Variants in LAMA5 observed in about 807,000 individuals in gnomAD.
LAMA5 encodes the protein laminin subunit alpha-5.
LAMA5 carries 260 observed loss-of-function variants against 433.4 expected under a neutral mutation model. The observed-to-expected ratio is 0.60, with a 90% CI of 0.54 to 0.66. The LOEUF is 0.66. Ranked by LOEUF, LAMA5 falls within the 30% of genes least tolerant of loss-of-function variation. LAMA5 has a pLI of 0.00. For synonymous variants in LAMA5, 2,620 were observed against 2,226.6 expected, an observed-to-expected ratio of 1.18 and a Z score of -4.97; for missense variants, 5,378 against 5,258.5, an observed-to-expected ratio of 1.02 and a Z score of -0.70.
chr20:62,331,042 C>T lies in LAMA5; in HGVS notation c.3640G>A (p.Gly1214Ser). ...VSCISSHGAF[G>S]PNSAACLPSR... The stretch of plus-strand genomic sequence containing the variant: ...ATTACCTGCCATTACCTGTTGGGGC[C>T]AAAGGCGCCGTGGCTGCTGATGCAG... The change falls in exon 29 of 80, where the codon GGC becomes AGC. Residue 1214 changes from glycine to serine, a missense_variant. Transcript: ENST00000252999. 1 of 1,598,712 alleles carries T rather than the reference C, an allele frequency of 6.3e-7. No homozygotes were observed. The highest frequency in any genetic ancestry group is 1.1e-5 in the South Asian group (1 of 89,072).
Position 62,329,050 on chromosome 20 carries a change from C to A in LAMA5, c.4241G>T (p.Ser1414Ile). 6.2e-7 allele frequency: 1 copy of A among 1,612,744 alleles called. No individual in the cohort carries two copies. Among genetic ancestry groups the A allele is most frequent in the Non-Finnish European group, 8.5e-7 (1 of 1,179,876 alleles). ...CAAQGYHISP[S>I]SSSLFCRNAA... ...GTTTCGGCAGAACAGGGATGAGCTGCTGGGGCTACATGGAGGGGCACGTGG... is the reference window on the plus strand; with the variant it reads ...GTTTCGGCAGAACAGGGATGAGCTGATGGGGCTACATGGAGGGGCACGTGG... Residue 1414 changes from serine (S) to isoleucine (I), a missense_variant, in exon 34 of 80, where the codon AGC becomes ATC. Coordinates refer to ENST00000252999, the MANE Select transcript of LAMA5 (RefSeq NM_005560.6).
chr20:62,341,030 C>T lies in LAMA5; in HGVS notation c.1478-2422G>A, dbSNP rs988077081. Among the ~76,000 whole-genome samples the T allele has an allele frequency of 2.0e-4, 30 of 150,100 alleles. 1 individual carries two copies. The highest frequency in any genetic ancestry group is 1.3e-4 in the Admixed American group (2 of 15,034). ...CGCCAGCCTGGGTGACAGAGTGAGACTCTGTGTCAAAATAAATAAATAAAT... is the reference window on the plus strand; with the variant it reads ...CGCCAGCCTGGGTGACAGAGTGAGATTCTGTGTCAAAATAAATAAATAAAT... On this transcript the variant is annotated intron_variant, in intron 11 of 79. Coordinates refer to ENST00000252999, the MANE Select transcript of LAMA5 (RefSeq NM_005560.6).
chr20:62,341,559 C>G (rs1313262469), intron 11 of LAMA5, among the ~76,000 whole-genome samples: 1 of 152,094 alleles, frequency 6.6e-6, no homozygotes, highest in East Asian at 1.9e-4. Context: ...TCGAATGCTT[C>G]CTGTGCATCA....
chr20:62,324,653 G>T lies in LAMA5; in HGVS notation c.5530-99C>A. ...AGACCCTCAGGGATCCTGCAGGCAC[G>T]AGGCACTGGGAACCCGTGGAGCATG... On this transcript the variant is annotated intron_variant, in intron 41 of 79. Transcript: ENST00000252999. The surrounding 1 kb of genome is among the most constrained non-coding windows in gnomAD (Gnocchi z 4.4). 1 of 753,214 alleles carries T rather than the reference G, an allele frequency of 1.3e-6. No homozygotes were observed. The allele number at this position is 753,214 out of a possible 1,614,324, so 46.7% of individuals were successfully genotyped here.
At position 62,329,261 on chromosome 20, in the gene LAMA5, G is replaced by A. The variant is rs1475540023; in HGVS notation, c.4120-8C>T. 2 of 1,597,996 alleles carry A rather than the reference G, an allele frequency of 1.3e-6. No homozygotes were observed. Among genetic ancestry groups the A allele is most frequent in the African/African-American group, 1.3e-5 (1 of 74,710 alleles). ...GACCACGAGTACATAATCCTAGGGGGTGAGGCCTGGTCACTCTCCCGCGGG... is the reference window on the plus strand; with the variant it reads ...GACCACGAGTACATAATCCTAGGGGATGAGGCCTGGTCACTCTCCCGCGGG... On this transcript the variant is annotated splice_region_variant and splice_polypyrimidine_tract_variant and intron_variant, in intron 32 of 79. Coordinates refer to ENST00000252999, the MANE Select transcript of LAMA5 (RefSeq NM_005560.6).
intron 2 of LAMA5, among the ~76,000 whole-genome samples, chr20:62,360,632 AGATG>A (rs1388137557): frequency 2.1e-3 from 23 of 10,706 alleles, no homozygotes; most frequent in East Asian, 4.0e-3. Context: ...GTGGAGGGAT[AGATG>A]GGTGGGTGGG....
At chr20:62,361,601 G>A (rs781498317) in intron 2 of LAMA5, among the ~76,000 whole-genome samples, 4 of 152,216 alleles carry the variant, frequency 2.6e-5, no homozygotes, top group Non-Finnish European at 4.4e-5. Flanking sequence ...CGGCGGAGCC[G>A]GCTGGGATGC....
intron 2 of LAMA5, among the ~76,000 whole-genome samples, chr20:62,357,355 T>C (rs924487322): frequency 1.3e-5 from 2 of 152,188 alleles, no homozygotes; most frequent in Non-Finnish European, 2.9e-5. Flanking sequence ...GCCAGCACCC[T>C]GATCGCACTG....
At chr20:62,352,538 C>T (rs1004819754) in intron 3 of LAMA5, among the ~76,000 whole-genome samples, 178 bp from the exon 4 acceptor site, 5 of 152,068 alleles carry the variant, frequency 3.3e-5, no homozygotes, top group African/African-American at 1.2e-4. Flanking sequence ...GACTGCACTG[C>T]CCCCCACCGC....
In LAMA5 at chr20:62,327,603, G is replaced by T. The variant is rs1426795374; in HGVS notation, c.4864C>A (p.Pro1622Thr). The T allele has an allele frequency of 1.9e-6, 3 of 1,613,092 alleles. No homozygotes were observed. Among genetic ancestry groups the T allele is most frequent in the East Asian group, 4.5e-5 (2 of 44,880 alleles). ...LGTFSLDAAN[P>T]KGCTRCFCFG... is the part of the protein sequence containing the mutation. ...CAGAAGCAGCGGGTGCAACCTTTGG[G>T]GTTGGCAGCATCCAGTGAGAAGGTC... The change falls in exon 37 of 80, where the codon CCC becomes ACC. Residue 1622 changes from proline to threonine, a missense_variant. Transcript: ENST00000252999.
In LAMA5 at chr20:62,320,744, G is replaced by T; in HGVS notation, c.6643C>A (p.Leu2215Met). ...LHRLNASIAD[L>M]QSQLRSPLGP... Reference sequence around the variant, plus strand: ...AAGGCCAGGACGCTCAGTACCTGCAGGTCAGCGATGGAGGCGTTCAGCCTG... The same window carrying T: ...AAGGCCAGGACGCTCAGTACCTGCATGTCAGCGATGGAGGCGTTCAGCCTG... Residue 2215 changes from leucine to methionine, a missense_variant, in exon 49 of 80, where the codon CTG becomes ATG. By Grantham distance (15) the Leu-to-Met change is conservative. Coordinates refer to ENST00000252999, the MANE Select transcript of LAMA5 (RefSeq NM_005560.6). 6.2e-7 allele frequency: 1 copy of T among 1,612,648 alleles called. No homozygotes were observed. Among genetic ancestry groups the T allele is most frequent in the Non-Finnish European group, 8.5e-7 (1 of 1,179,888 alleles).
rs1986348548 is a variant in LAMA5 at position 62,312,187 on chromosome 20, A to G, written c.9490T>C (p.Tyr3164His). The G allele has an allele frequency of 1.2e-6, 2 of 1,610,586 alleles. No individual in the cohort carries two copies. The highest frequency in any genetic ancestry group is 2.2e-5 in the South Asian group (2 of 90,836). ...TGAGGTCTCACCGGGGACGCCCGGT[A>G]GTAGAGCAGGGCACTGTCCTGGGCG... ...HSAQDSALLY[Y>H]RASPDGLCQV... The change falls in exon 69 of 80, where the codon TAC (tyrosine) becomes CAC (histidine). Residue 3164 changes from tyrosine (Y) to histidine (H), a missense_variant. Tyr to His is a moderately conservative substitution (Grantham distance 83). Transcript: ENST00000252999.
chr20:62,322,878 C>A, intron 45 of LAMA5, 120 bp from the exon 46 acceptor site: 2 of 639,592 alleles, frequency 3.1e-6, no homozygotes, highest in South Asian at 4.3e-5. Flanking sequence ...GCCGCCCGGA[C>A]CACCCGGCTA....
Position 62,314,564 on chromosome 20 carries a change from G to A in LAMA5, c.8358C>T (p.Gly2786=), listed in dbSNP as rs1480962048. Residue 2786 remains glycine, a synonymous_variant, in exon 61 of 80, where the codon GGC becomes GGT. Coordinates refer to ENST00000252999, the MANE Select transcript of LAMA5 (RefSeq NM_005560.6). ...CCAGCCAGCCTGGTACCTGGCGGCT[G>A]CCCATGTACATCACAAAGCGATCCT... The part of the protein sequence containing the change: ...GTEDRFVMYM[G]SRQATGDYMG... 5.0e-6 allele frequency: 8 copies of A among 1,609,110 alleles called. No individual in the cohort carries two copies. The highest frequency in any genetic ancestry group is 1.1e-5 in the South Asian group (1 of 90,860).
chr20:62,345,081 A>C (rs1983147586), intron 11 of LAMA5, among the ~76,000 whole-genome samples: 1 of 151,216 alleles, frequency 6.6e-6, no homozygotes, highest in African/African-American at 2.4e-5. Context: ...GCAGTGGTGC[A>C]ATCTCGGCTC....
Position 62,330,490 on chromosome 20 carries a change from T to C in LAMA5, c.3977A>G (p.Gln1326Arg), listed in dbSNP as rs1450641093. The C allele has an allele frequency of 1.3e-6, 2 of 1,548,826 alleles. No homozygotes were observed. The highest frequency in any genetic ancestry group is 1.7e-4 in the Middle Eastern group (1 of 5,730). ...CACCCCCCACACCAGACACTCACCC[T>C]GCCACACGCGGCCGGCGTTGATGAG... Reference protein sequence around the residue: ...EVLINAGRVWQGHANASFCPH... With the variant: ...EVLINAGRVWRGHANASFCPH... Residue 1326 changes from glutamine to arginine, a missense_variant and splice_region_variant, in exon 31 of 80, where the codon CAG (glutamine) becomes CGG (arginine). By Grantham distance (43) the Gln-to-Arg change is conservative (BLOSUM62 1). Coordinates refer to ENST00000252999, the MANE Select transcript of LAMA5 (RefSeq NM_005560.6).
chr20:62,313,034 T>C, intron 65 of LAMA5, 24 bp from the exon 66 acceptor site: 13 of 1,593,652 alleles, frequency 8.2e-6, no homozygotes, highest in Non-Finnish European at 1.0e-5. Flanking sequence ...GCAGGGTTAG[T>C]GTGGGGCAGG....
intron 70 of LAMA5, 32 bp from the exon 71 acceptor site, chr20:62,311,816 T>TGGGCCCCCCCCCCCC (rs2146038305): frequency 5.3e-6 from 8 of 1,520,842 alleles, no homozygotes; most frequent in East Asian, 2.3e-5. Context: ...GCTCGGTTTT[T>TGGGCCCCCCCCCCCC]CCCCACCCTG....
At position 62,317,706 on chromosome 20, in the gene LAMA5, C is replaced by G. The variant is rs773570328; in HGVS notation, c.7312G>C (p.Ala2438Pro). 5 of 1,604,118 alleles carry G rather than the reference C, an allele frequency of 3.1e-6. No individual in the cohort carries two copies. The South Asian group carries it at 4.5e-5, about 14-fold the overall frequency. Residue 2438 changes from alanine to proline, a missense_variant, in exon 54 of 80, where the codon GCC becomes CCC. Physicochemically the swap from Ala to Pro is conservative, Grantham distance 27. Transcript: ENST00000252999. The stretch of plus-strand genomic sequence containing the variant: ...CTGTGCAGCAATCTGAAGACGCTGG[C>G]CAGGGTGTCCCTAGCCGCATGCAGA... ...ATLHAARDTL[A>P]SVFRLLHSLD...
Sources: gnomAD v4.1 joint callset for allele counts (sites outside exome capture counted in the v4.1 genomes callset) on GRCh38, gnomAD v4.1.1 for gene constraint, Gnocchi (gnomAD v3.1) non-coding constraint, MANE v1.5 for transcripts, NCBI Gene and HGNC (gene_info 2026-07-23, HGNC 2026-07-21) for gene names.